The following BRINP1 variants were observed in gnomAD, a reference collection of about 807,000 sequenced individuals.
BRINP1 encodes the protein BMP/retinoic acid inducible neural specific 1.
Under a neutral mutation model 72.9 loss-of-function variants are expected in BRINP1, and 17 were observed. The observed-to-expected ratio is 0.23, with a 90% CI of 0.16 to 0.35. The LOEUF (loss-of-function observed/expected upper bound fraction) is 0.35, where lower values mean the gene tolerates loss of function less well. Ranked by LOEUF, BRINP1 falls within the 10% of genes least tolerant of loss-of-function variation. The pLI is 1.00. For synonymous variants in BRINP1, 418 were observed against 378.5 expected (o/e 1.10, Z -1.21); for missense variants, 850 against 1,001.6 (o/e 0.85, Z 2.04).
At chr9:119,304,024 C>T (rs1469390787) in intron 2 of BRINP1, among the ~76,000 whole-genome samples, 7 of 151,810 alleles carry the variant, frequency 4.6e-5, no homozygotes, top group Admixed American at 2.6e-4. Flanking sequence ...GGATTACAGG[C>T]GCCCACCACC....
At chr9:119,221,836 TAGC>T (rs201668955) in intron 5 of BRINP1, among the ~76,000 whole-genome samples, 2,713 of 152,256 alleles carry the variant, frequency 0.018, 79 homozygotes, top group African/African-American at 0.062. Flanking sequence ...GTTGCTTTGG[TAGC>T]AGAGGACTCC....
chr9:119,249,231 C>A, intron 2 of BRINP1, 81 bp from the exon 3 acceptor site: 1 of 1,375,502 alleles, frequency 7.3e-7, no homozygotes. Flanking sequence ...TCCATCCAGG[C>A]ATCTCTCCTT....
chr9:119,340,413 GA>G (rs796687960), intron 1 of BRINP1, among the ~76,000 whole-genome samples: 30 of 147,016 alleles, frequency 2.0e-4, no homozygotes, highest in Non-Finnish European at 2.7e-4. Flanking sequence ...ACCTCTGAGG[GA>G]AAAAAAAAAG....
intron 2 of BRINP1, among the ~76,000 whole-genome samples, chr9:119,256,887 T>G (rs1289171448): frequency 6.6e-6 from 1 of 152,226 alleles, no homozygotes. Context: ...GTTTTATGAC[T>G]TGTTCGCTTA....
At chr9:119,201,037 T>C (rs903249667) in intron 7 of BRINP1, among the ~76,000 whole-genome samples, 3 of 152,202 alleles carry the variant, frequency 2.0e-5, no homozygotes, top group Non-Finnish European at 4.4e-5. Flanking sequence ...AACCAGATCA[T>C]GGCAGATCTG....
chr9:119,227,962 AT>A (rs1830109301), intron 5 of BRINP1, among the ~76,000 whole-genome samples: 1 of 151,984 alleles, frequency 6.6e-6, no homozygotes, highest in East Asian at 1.9e-4. Flanking sequence ...AAAAAATGTT[AT>A]TTTTAAACAT....
intron 7 of BRINP1, among the ~76,000 whole-genome samples, chr9:119,179,480 A>G (rs1407116578): frequency 5.3e-5 from 8 of 152,196 alleles, no homozygotes; most frequent in Non-Finnish European, 1.0e-4. Context: ...CATTAGAAGC[A>G]GGGAAACTTC....
chr9:119,251,407 A>G (rs1311336949), intron 2 of BRINP1, among the ~76,000 whole-genome samples: 2 of 152,192 alleles, frequency 1.3e-5, no homozygotes, highest in African/African-American at 4.8e-5. Context: ...TTTGAACTAT[A>G]GTTTTTAAGT....
chr9:119,307,951 T>C (rs1831015716), intron 2 of BRINP1, among the ~76,000 whole-genome samples: 1 of 152,148 alleles, frequency 6.6e-6, no homozygotes. Flanking sequence ...TCCTGCTGTA[T>C]CACAAATTAA....
intron 2 of BRINP1, among the ~76,000 whole-genome samples, chr9:119,261,474 G>A (rs966805436): frequency 6.6e-6 from 1 of 152,146 alleles, no homozygotes; most frequent in Non-Finnish European, 1.5e-5. Flanking sequence ...AAAACACACT[G>A]AGAAATGCCA....
At chr9:119,358,976 C>T (rs529051976) in intron 1 of BRINP1, among the ~76,000 whole-genome samples, 1 of 152,154 alleles carries the variant, frequency 6.6e-6, no homozygotes, top group Non-Finnish European at 1.5e-5. Context: ...GAAGGCAGTG[C>T]CTTGAACCTA....
intron 2 of BRINP1, among the ~76,000 whole-genome samples, chr9:119,301,245 C>G (rs1218723439): frequency 1.3e-5 from 2 of 152,162 alleles, no homozygotes; most frequent in Non-Finnish European, 1.5e-5. Context: ...ACCCACCCAG[C>G]TGACCAAGTT....
At position 119,199,389 on chromosome 9, in the gene BRINP1, A is replaced by G. The variant is rs1829780272; in HGVS notation, c.1145+9330T>C. ...GAGTCTTTCTATAGACACCAATTAAACACTGTATGGAGAAGGAAATATGTT... is the reference window on the plus strand; with the variant it reads ...GAGTCTTTCTATAGACACCAATTAAGCACTGTATGGAGAAGGAAATATGTT... On this transcript the variant is annotated intron_variant, in intron 7 of 7. Coordinates refer to ENST00000265922, the MANE Select transcript of BRINP1 (RefSeq NM_014618.3). Among the ~76,000 whole-genome samples the G allele has an allele frequency of 2.6e-5, 4 of 152,192 alleles. No homozygotes were observed. In the South Asian group the frequency reaches 8.3e-4, roughly 32 times the overall value.
chr9:119,186,149 C>G (rs942640820), intron 7 of BRINP1, among the ~76,000 whole-genome samples: 1 of 152,134 alleles, frequency 6.6e-6, no homozygotes, highest in Non-Finnish European at 1.5e-5. Flanking sequence ...AGCCTAGGCT[C>G]GGTGGAGCAG....
At chr9:119,172,610 A>T (rs537333668) in intron 7 of BRINP1, among the ~76,000 whole-genome samples, 8,061 of 151,350 alleles carry the variant, frequency 0.053, 265 homozygotes, top group Middle Eastern at 0.075. Flanking sequence ...AAAAAGAGGG[A>T]ATCCTCCCTA....
At position 119,255,982 on chromosome 9, in the gene BRINP1, A is replaced by C. The variant is rs868650986; in HGVS notation, c.219-6832T>G. ...AAAAAAAAAAAAAAAAAAAAAAAAAAACACGAGACAGGAAGGAGAACTGGC... is the reference window on the plus strand; with the variant it reads ...AAAAAAAAAAAAAAAAAAAAAAAAACACACGAGACAGGAAGGAGAACTGGC... On this transcript the variant is annotated intron_variant, in intron 2 of 7. Coordinates refer to ENST00000265922, the MANE Select transcript of BRINP1 (RefSeq NM_014618.3). Among the ~76,000 whole-genome samples, 253 of 134,404 alleles carry C rather than the reference A, an allele frequency of 1.9e-3. 2 individuals are homozygous for C. The highest frequency in any genetic ancestry group is 6.4e-3 in the African/African-American group (235 of 36,968). 88.2% of individuals were successfully genotyped at this position (134,404 alleles called of 152,430 possible).
intron 1 of BRINP1, among the ~76,000 whole-genome samples, chr9:119,314,956 G>A (rs1831110585): frequency 6.6e-6 from 1 of 152,132 alleles, no homozygotes; most frequent in African/African-American, 2.4e-5. Context: ...CTATGACAGT[G>A]TTTTTGTTCA....
chr9:119,183,516 G>C (rs1829579903), intron 7 of BRINP1, among the ~76,000 whole-genome samples: 1 of 152,296 alleles, frequency 6.6e-6, no homozygotes, highest in African/African-American at 2.4e-5. Context: ...GTACAGTACA[G>C]AGAATGCCTT....
At chr9:119,283,216 C>T (rs1830730378) in intron 2 of BRINP1, 1 of 977,632 alleles carries the variant, frequency 1.0e-6, no homozygotes, top group African/African-American at 1.8e-5. Flanking sequence ...AAACAGTAGT[C>T]CTCATCGTCC....
Sources: allele counts gnomAD v4.1 joint callset (sites outside exome capture counted in the v4.1 genomes callset), GRCh38; gene constraint gnomAD v4.1.1; transcripts MANE v1.5; gene names NCBI Gene and HGNC (gene_info 2026-07-23, HGNC 2026-07-21).